The following VAPA variants were observed in gnomAD, a reference collection of about 807,000 sequenced individuals.
VAPA encodes vesicle-associated membrane protein-associated protein A.
A neutral mutation model predicts 25.6 loss-of-function variants in VAPA; 6 were observed. The observed-to-expected ratio is 0.23, with a 90% CI of 0.13 to 0.46. VAPA has a LOEUF of 0.46. Ranked by LOEUF, VAPA falls within the 20% of genes least tolerant of loss-of-function variation. The pLI, the probability that VAPA is intolerant of heterozygous loss-of-function variation, is 0.99. For synonymous variants in VAPA, 112 were observed against 106.2 expected (o/e 1.05, Z -0.34); for missense variants, 244 against 302.1 (o/e 0.81, Z 1.43).
chr18:9,938,252 C>T (rs1041236970), intron 4 of VAPA, among the ~76,000 whole-genome samples: 5 of 152,130 alleles, frequency 3.3e-5, no homozygotes, highest in African/African-American at 7.2e-5. Context: ...TACAGTAATT[C>T]GGTCAGCGTA....
At chr18:9,948,016 T>G (rs2069443936) in intron 4 of VAPA, 1 of 152,190 alleles carries the variant, frequency 6.6e-6, no homozygotes, top group South Asian at 2.1e-4. Flanking sequence ...GTGATATAAC[T>G]TATTGGGCAC....
intron 3 of VAPA, chr18:9,936,740 A>G (rs1427511679): frequency 1.2e-5 from 3 of 255,320 alleles, no homozygotes; most frequent in South Asian, 6.3e-5. Context: ...AAGAAATGCT[A>G]AGAAGAAAGT....
rs1002144399 is a variant in VAPA at position 9,957,298 on chromosome 18, C to T, written c.*3087C>T. On this transcript the variant is annotated 3_prime_UTR_variant, in exon 6 of 6. Transcript: ENST00000400000. ...TCGGCCTCCCAAAGTGCTGGGATTA[C>T]AGGTGTGAGCTGCCGCACCCAGCCA... 6.6e-6 allele frequency: 1 copy of T among 152,196 alleles called. No individual in the cohort carries two copies. The highest frequency in any genetic ancestry group is 1.5e-5 in the Non-Finnish European group (1 of 68,060). 9.4% of individuals were successfully genotyped at this position (152,196 alleles called of 1,614,324 possible).
At chr18:9,917,394 A>C (rs958134250) in intron 1 of VAPA, among the ~76,000 whole-genome samples, 3 of 152,048 alleles carry the variant, frequency 2.0e-5, no homozygotes, top group Admixed American at 1.3e-4. Flanking sequence ...GGGTTCAAGC[A>C]ATTCTCCTGC....
chr18:9,919,313 T>A (rs1182401593), intron 1 of VAPA, among the ~76,000 whole-genome samples: 1 of 152,262 alleles, frequency 6.6e-6, no homozygotes, highest in African/African-American at 2.4e-5. Flanking sequence ...ACTTCCAAAT[T>A]CATTTATTTT....
Position 9,959,168 on chromosome 18 carries a change from A to C in VAPA, c.*4957A>C, listed in dbSNP as rs1301768632. The C allele has an allele frequency of 6.6e-6, 1 of 152,208 alleles. No individual in the cohort carries two copies. Among genetic ancestry groups the C allele is most frequent in the Non-Finnish European group, 1.5e-5 (1 of 68,034 alleles). 9.4% of individuals were successfully genotyped at this position (152,208 alleles called of 1,614,324 possible). ...AGTGGGATCTAGATGGTCTGATCCTAGTGATCTACCATATGAAGGACATAG... is the reference window on the plus strand; with the variant it reads ...AGTGGGATCTAGATGGTCTGATCCTCGTGATCTACCATATGAAGGACATAG... On this transcript the variant is annotated 3_prime_UTR_variant, in exon 6 of 6. Coordinates refer to ENST00000400000, the MANE Select transcript of VAPA (RefSeq NM_194434.3).
In VAPA at chr18:9,958,495, A is replaced by G. The variant is rs1297444995; in HGVS notation, c.*4284A>G. 2 of 152,194 alleles carry G rather than the reference A, an allele frequency of 1.3e-5. No homozygotes were observed. Among genetic ancestry groups the G allele is most frequent in the Non-Finnish European group, 2.9e-5 (2 of 68,038 alleles). 9.4% of individuals were successfully genotyped at this position (152,194 alleles called of 1,614,324 possible). On this transcript the variant is annotated 3_prime_UTR_variant, in exon 6 of 6. Coordinates refer to ENST00000400000, the MANE Select transcript of VAPA (RefSeq NM_194434.3). Reference sequence around the variant, plus strand: ...TGATATTCAACTATAGCAGTACCTTAACTCATGATGAGCTTAGGAACATAA... The same window carrying G: ...TGATATTCAACTATAGCAGTACCTTGACTCATGATGAGCTTAGGAACATAA...
intron 1 of VAPA, among the ~76,000 whole-genome samples, chr18:9,924,658 A>G (rs2069185090): frequency 6.6e-6 from 1 of 152,172 alleles, no homozygotes; most frequent in South Asian, 2.1e-4. Flanking sequence ...TTTAAGATTG[A>G]ATTATCTCCC....
At chr18:9,925,359 G>A (rs533939235) in intron 1 of VAPA, among the ~76,000 whole-genome samples, 2 of 152,150 alleles carry the variant, frequency 1.3e-5, no homozygotes, top group East Asian at 1.9e-4. Context: ...ATAAAATAGT[G>A]CAGTCTTGCT....
chr18:9,949,739 ATATT>A (rs1276417489), intron 4 of VAPA: 2 of 152,174 alleles, frequency 1.3e-5, no homozygotes. Context: ...GCTGTCATAG[ATATT>A]TATCTCCAGG....
intron 1 of VAPA, among the ~76,000 whole-genome samples, chr18:9,924,366 C>G (rs995119222): frequency 5.3e-5 from 8 of 152,118 alleles, no homozygotes; most frequent in Non-Finnish European, 1.0e-4. Context: ...TTCTTGAACA[C>G]TAACATTGTT....
At chr18:9,925,298 ATAATATGGACAG>A (rs2069191099) in intron 1 of VAPA, among the ~76,000 whole-genome samples, 1 of 152,154 alleles carries the variant, frequency 6.6e-6, no homozygotes, top group South Asian at 2.1e-4. Context: ...ATATGATTGT[ATAATATGGACAG>A]TGAGGCAATT....
intron 1 of VAPA, among the ~76,000 whole-genome samples, chr18:9,929,180 A>G (rs2069228236): frequency 6.6e-6 from 1 of 152,146 alleles, no homozygotes; most frequent in South Asian, 2.1e-4. Context: ...AATACTTGGA[A>G]AAGAGGTTTT....
At chr18:9,924,450 G>A (rs980470049) in intron 1 of VAPA, among the ~76,000 whole-genome samples, 2 of 152,084 alleles carry the variant, frequency 1.3e-5, no homozygotes, top group Admixed American at 1.3e-4. Context: ...CATAAAATTG[G>A]TATGAAATGT....
chr18:9,934,881 T>C (rs1242233477), intron 2 of VAPA, among the ~76,000 whole-genome samples: 2 of 151,600 alleles, frequency 1.3e-5, no homozygotes, highest in African/African-American at 4.8e-5. Context: ...GATCTTGAGG[T>C]CAGGAGATCG....
Position 9,954,266 on chromosome 18 carries a change from G to C in VAPA, c.*55G>C. 1 of 1,505,312 alleles carries C rather than the reference G, an allele frequency of 6.6e-7. No homozygotes were observed. Among genetic ancestry groups the C allele is most frequent in the South Asian group, 1.2e-5 (1 of 80,720 alleles). 93.2% of individuals were successfully genotyped at this position (1,505,312 alleles called of 1,614,324 possible). ...TTTTTTTTTCTCTTGACCAGAAAAA[G>C]ATTTGTTTACCTACCATTTCATTGG... On this transcript the variant is annotated 3_prime_UTR_variant, in exon 6 of 6. Coordinates refer to ENST00000400000, the MANE Select transcript of VAPA (RefSeq NM_194434.3).
chr18:9,952,212 T>A lies in VAPA; in HGVS notation c.591+1644T>A, dbSNP rs115193631. 8.5e-3 allele frequency among the ~76,000 whole-genome samples: 1,292 copies of A among 152,206 alleles called. 15 individuals are homozygous for A. Among genetic ancestry groups the A allele is most frequent in the African/African-American group, 0.029 (1,224 of 41,516 alleles). ...GACTTTATTCCTGGTTTCTACTCTT[T>A]TTATGCTAGTGTTCTGTATGAGATT... On this transcript the variant is annotated intron_variant, in intron 5 of 5. Transcript: ENST00000400000.
rs1567905862 is a variant in VAPA, at chr18:9,956,678, TATTA to T, written c.*2471_*2474del. On this transcript the variant is annotated 3_prime_UTR_variant, in exon 6 of 6. Transcript: ENST00000400000. ...CAGTTATAGTTTGAAAGTCCAACTG[TATTA>T]ATTGACTGATAATATGATAATATAG... is the stretch of plus-strand genomic sequence containing the variant. The T allele has an allele frequency of 2.0e-5, 3 of 152,666 alleles. No homozygotes were observed. Among genetic ancestry groups the T allele is most frequent in the African/African-American group, 4.8e-5 (2 of 41,464 alleles). The allele number at this position is 152,666 out of a possible 1,614,324, so 9.5% of individuals were successfully genotyped here.
rs1298909716 is a variant in VAPA, at chr18:9,958,184, AT to A, written c.*3980del. 1.3e-5 allele frequency: 2 copies of A among 152,104 alleles called. No homozygotes were observed. The highest frequency in any genetic ancestry group is 2.4e-5 in the African/African-American group (1 of 41,402). 9.4% of individuals were successfully genotyped at this position (152,104 alleles called of 1,614,324 possible). On this transcript the variant is annotated 3_prime_UTR_variant, in exon 6 of 6. Transcript: ENST00000400000. ...AATCACTAATTATAAGTTGTATCCT[AT>A]TTTTTTCCAGCTTAATTTCTGTGGT...
Sources: allele counts gnomAD v4.1 joint callset (sites outside exome capture counted in the v4.1 genomes callset), GRCh38; gene constraint gnomAD v4.1.1; transcripts MANE v1.5; gene names NCBI Gene and HGNC (gene_info 2026-07-23, HGNC 2026-07-21).